TNRC6A: variants seen among roughly 807,000 people sequenced by gnomAD.
The protein encoded by TNRC6A is trinucleotide repeat-containing gene 6A protein.
A neutral mutation model predicts 221.2 loss-of-function variants in TNRC6A; 44 were observed. The ratio of observed to expected loss-of-function variants is 0.20; its 90% CI spans 0.16 to 0.26. The LOEUF (loss-of-function observed/expected upper bound fraction) is 0.26, where lower values mean the gene tolerates loss of function less well. Among genes scored for constraint, TNRC6A ranks in the 10% least tolerant of loss-of-function variants. TNRC6A has a pLI of 1.00. For synonymous variants in TNRC6A, 847 were observed against 838.5 expected (o/e 1.01, Z -0.18); for missense variants, 2,199 against 2,404.4 (o/e 0.91, Z 1.79).
chr16:24,772,240 T>C (rs895233459), intron 4 of TNRC6A, among the ~76,000 whole-genome samples: 1 of 152,250 alleles, frequency 6.6e-6, no homozygotes, highest in African/African-American at 2.4e-5. Context: ...TCCCATTGTT[T>C]GGGATGACCA....
chr16:24,792,613 C>CTTTTTTTTTTTTT (rs34670934), intron 6 of TNRC6A, among the ~76,000 whole-genome samples: 2 of 56,514 alleles, frequency 3.5e-5, no homozygotes, highest in African/African-American at 1.6e-4. Flanking sequence ...ACATTTATGG[C>CTTTTTTTTTTTTT]TTTTTTTTTT....
intron 4 of TNRC6A, among the ~76,000 whole-genome samples, chr16:24,772,996 G>A (rs1195405395): frequency 2.6e-5 from 4 of 151,950 alleles, no homozygotes; most frequent in African/African-American, 9.7e-5. Flanking sequence ...ATTAATTGCC[G>A]AAGGTTATTT....
At chr16:24,715,605 CT>C (rs58843836) in intron 2 of TNRC6A, among the ~76,000 whole-genome samples, 45,509 of 126,918 alleles carry the variant, frequency 0.36, 5,610 homozygotes, top group East Asian at 0.47. Context: ...TGAGTAGTTT[CT>C]TTTTTTTTTT....
chr16:24,680,398 G>A (rs1381657153), intron 2 of TNRC6A, among the ~76,000 whole-genome samples: 2 of 151,542 alleles, frequency 1.3e-5, no homozygotes, highest in Non-Finnish European at 2.9e-5. Context: ...TCTAGCCTGG[G>A]TGACAGAGTC....
chr16:24,798,044 C>G, intron 11 of TNRC6A, 78 bp downstream of exon 11: 2 of 1,317,752 alleles, frequency 1.5e-6, no homozygotes, highest in South Asian at 2.6e-5. Context: ...TGAAAGAGCC[C>G]TGACGTAGAT....
chr16:24,733,249 C>T (rs2056685982), intron 2 of TNRC6A, among the ~76,000 whole-genome samples: 1 of 152,104 alleles, frequency 6.6e-6, no homozygotes, highest in Non-Finnish European at 1.5e-5. Context: ...GAAGCCTAGA[C>T]CCTATTATGT....
chr16:24,820,050 T>G, intron 21 of TNRC6A, 89 bp from the exon 22 acceptor site: 1 of 1,262,136 alleles, frequency 7.9e-7, no homozygotes, highest in East Asian at 2.3e-5. Context: ...TTAGATTTGC[T>G]TTTTGTGGGA....
chr16:24,657,317 C>CAAAAAAAAAAAAAAAAAAAA (rs56241898), intron 2 of TNRC6A, among the ~76,000 whole-genome samples: 5 of 88,158 alleles, frequency 5.7e-5, no homozygotes, highest in African/African-American at 1.0e-4. Flanking sequence ...GACCCTATCT[C>CAAAAAAAAAAAAAAAAAAAA]AAAAAAAAAA....
chr16:24,750,931 C>G lies in TNRC6A; in HGVS notation c.141+118C>G, dbSNP rs138443586. On this transcript the variant is annotated intron_variant, in intron 3 of 24. Coordinates refer to ENST00000395799, the MANE Select transcript of TNRC6A (RefSeq NM_014494.4). Reference sequence around the variant, plus strand: ...TAATGTTTTAGCTTTAATGGAGATTCATTTTAATATTTAATGTCTTTGAAT... The same window carrying G: ...TAATGTTTTAGCTTTAATGGAGATTGATTTTAATATTTAATGTCTTTGAAT... 1.5e-5 allele frequency: 15 copies of G among 974,546 alleles called. No homozygotes were observed. The East Asian group carries it at 3.8e-4, about 25-fold the overall frequency. 60.4% of individuals were successfully genotyped at this position (974,546 alleles called of 1,614,324 possible).
intron 2 of TNRC6A, among the ~76,000 whole-genome samples, chr16:24,657,316 T>TC (rs1164145105): frequency 4.9e-3 from 93 of 18,878 alleles, no homozygotes; most frequent in Non-Finnish European, 7.9e-3. Flanking sequence ...AGACCCTATC[T>TC]CAAAAAAAAA....
chr16:24,791,895 T>C, intron 6 of TNRC6A, 78 bp downstream of exon 6: 1 of 1,388,752 alleles, frequency 7.2e-7, no homozygotes, highest in Non-Finnish European at 9.4e-7. Context: ...AGTACTTGGA[T>C]ATGCACACAA....
intron 4 of TNRC6A, among the ~76,000 whole-genome samples, chr16:24,770,051 A>G (rs8043962): frequency 0.33 from 49,683 of 152,126 alleles, 8,493 homozygotes; most frequent in East Asian, 0.47. Flanking sequence ...TCTGGTTGTC[A>G]TAACATAACA....
intron 4 of TNRC6A, chr16:24,776,551 A>C: frequency 1.0e-6 from 1 of 985,492 alleles, no homozygotes; most frequent in Non-Finnish European, 1.2e-6. Context: ...CAAGGAATAG[A>C]GGATTCCCTT....
At chr16:24,682,991 G>A (rs766755131) in intron 2 of TNRC6A, among the ~76,000 whole-genome samples, 2 of 152,188 alleles carry the variant, frequency 1.3e-5, no homozygotes, top group African/African-American at 2.4e-5. Context: ...GAGGCTCAGA[G>A]AGATTCATTA....
At chr16:24,646,995 T>C (rs1164399472) in intron 2 of TNRC6A, among the ~76,000 whole-genome samples, 1 of 69,494 alleles carries the variant, frequency 1.4e-5, no homozygotes, top group East Asian at 4.3e-4. Context: ...GTGGTGCGGA[T>C]TGACCCCACT....
chr16:24,794,999 G>C (rs541525132), intron 8 of TNRC6A, among the ~76,000 whole-genome samples: 125 of 152,206 alleles, frequency 8.2e-4, no homozygotes, highest in African/African-American at 2.9e-3. Flanking sequence ...GCCTGCAGTG[G>C]TGAGGATGAA....
intron 2 of TNRC6A, among the ~76,000 whole-genome samples, chr16:24,723,798 G>A (rs2056450991): frequency 6.6e-6 from 1 of 151,976 alleles, no homozygotes; most frequent in South Asian, 2.1e-4. Flanking sequence ...AGAGACAACT[G>A]TTTCTATTTG....
intron 2 of TNRC6A, among the ~76,000 whole-genome samples, chr16:24,667,831 G>A (rs958737793): frequency 6.6e-6 from 1 of 152,070 alleles, no homozygotes; most frequent in Admixed American, 6.6e-5. Flanking sequence ...TTGAGGCCAG[G>A]AGTTCAAGAC....
rs1439978852 is a variant in TNRC6A, at chr16:24,825,296, TATC to T, written c.*1492_*1494del. The T allele has an allele frequency of 6.6e-6, 1 of 152,658 alleles. No homozygotes were observed. Among genetic ancestry groups the T allele is most frequent in the African/African-American group, 2.4e-5 (1 of 41,458 alleles). 9.5% of individuals were successfully genotyped at this position (152,658 alleles called of 1,614,324 possible). ...TTTAACAGTACAGAATTTGCCATCA[TATC>T]ATTGCCTTGATTCTAACTGTTTGTG... On this transcript the variant is annotated 3_prime_UTR_variant, in exon 25 of 25. Coordinates refer to ENST00000395799, the MANE Select transcript of TNRC6A (RefSeq NM_014494.4).
Sources: allele counts gnomAD v4.1 joint callset (sites outside exome capture counted in the v4.1 genomes callset), GRCh38; gene constraint gnomAD v4.1.1; transcripts MANE v1.5; gene names NCBI Gene and HGNC (gene_info 2026-07-23, HGNC 2026-07-21).